The following C7orf78 variants were observed in gnomAD, a reference collection of about 807,000 sequenced individuals.
C7orf78 encodes putative uncharacterized protein C7orf78.
chr7:12,499,797 A>T, the C7orf78 span, among the ~76,000 whole-genome samples: 2 of 150,276 alleles, frequency 1.3e-5, no homozygotes, highest in Non-Finnish European at 3.0e-5. Flanking sequence ...GCACCACACC[A>T]CACCTATTCC....
At chr7:12,535,535 C>A in the C7orf78 span, among the ~76,000 whole-genome samples, 1 of 152,120 alleles carries the variant, frequency 6.6e-6, no homozygotes, top group Non-Finnish European at 1.5e-5. Flanking sequence ...CCATATCATT[C>A]CACCTCTGGC....
At chr7:12,528,549 C>G in the C7orf78 span, among the ~76,000 whole-genome samples, 2 of 152,056 alleles carry the variant, frequency 1.3e-5, no homozygotes, top group East Asian at 3.9e-4. Context: ...GTGTCACTCA[C>G]TTTGGTAGAA....
At chr7:12,539,641 G>A in the C7orf78 span, among the ~76,000 whole-genome samples, 7 of 152,136 alleles carry the variant, frequency 4.6e-5, no homozygotes, top group African/African-American at 1.7e-4. Context: ...TTTAGTCTAG[G>A]TCCTGCTGCT....
the C7orf78 span, among the ~76,000 whole-genome samples, chr7:12,520,339 C>G: frequency 6.6e-6 from 1 of 152,206 alleles, no homozygotes; most frequent in African/African-American, 2.4e-5. Context: ...TCTCTACATT[C>G]AAGATATTTC....
the C7orf78 span, among the ~76,000 whole-genome samples, chr7:12,516,431 C>T: frequency 6.6e-6 from 1 of 152,248 alleles, no homozygotes; most frequent in Non-Finnish European, 1.5e-5. Context: ...CATGGAGAAC[C>T]TCTGCTAGGA....
chr7:12,524,770 G>A, the C7orf78 span, among the ~76,000 whole-genome samples: 1 of 144,928 alleles, frequency 6.9e-6, no homozygotes, highest in Admixed American at 6.8e-5. Context: ...TTGAATTTGG[G>A]AGGTGAAAGT....
At chr7:12,533,048 C>T in the C7orf78 span, among the ~76,000 whole-genome samples, 1 of 152,124 alleles carries the variant, frequency 6.6e-6, no homozygotes, top group Non-Finnish European at 1.5e-5. Flanking sequence ...TTGCAAACAT[C>T]CCGCTGTACA....
chr7:12,484,928 C>T, the C7orf78 span, among the ~76,000 whole-genome samples: 27,734 of 151,992 alleles, frequency 0.18, 2,951 homozygotes, highest in Middle Eastern at 0.26. Flanking sequence ...CTGTCCTCTT[C>T]GATTAGCTCA....
the C7orf78 span, among the ~76,000 whole-genome samples, chr7:12,489,029 C>T: frequency 6.6e-6 from 1 of 150,548 alleles, no homozygotes; most frequent in Non-Finnish European, 1.5e-5. Flanking sequence ...AAAAGGAATA[C>T]CCAAATGCTG....
chr7:12,538,316 G>A, the C7orf78 span: 1 of 152,102 alleles, frequency 6.6e-6, no homozygotes, highest in Non-Finnish European at 1.5e-5. Flanking sequence ...GTAGCTCCAG[G>A]ATCTGGGGAA....
the C7orf78 span, among the ~76,000 whole-genome samples, chr7:12,539,658 A>T: frequency 6.6e-6 from 1 of 152,200 alleles, no homozygotes; most frequent in African/African-American, 2.4e-5. Context: ...TGCTCACCAC[A>T]CAGAAAGCCA....
chr7:12,483,931 G>A, the C7orf78 span: 2 of 150,850 alleles, frequency 1.3e-5, no homozygotes, highest in Non-Finnish European at 2.9e-5. Context: ...ACCAGAAATG[G>A]CAGCAGACAT....
At chr7:12,489,778 T>C in the C7orf78 span, among the ~76,000 whole-genome samples, 73 of 152,246 alleles carry the variant, frequency 4.8e-4, no homozygotes, top group African/African-American at 1.2e-3. Flanking sequence ...AGAAGAGATA[T>C]GGATAGGACC....
the C7orf78 span, among the ~76,000 whole-genome samples, chr7:12,484,760 C>G: frequency 2.0e-5 from 3 of 152,078 alleles, no homozygotes; most frequent in Admixed American, 6.5e-5. Flanking sequence ...ATTAGTACAG[C>G]ATTCTAAATA....
At chr7:12,491,103 G>C in the C7orf78 span, 8 of 152,106 alleles carry the variant, frequency 5.3e-5, no homozygotes, top group African/African-American at 1.9e-4. Context: ...ACATGGCCTT[G>C]TCTTTTTCAG....
chr7:12,510,698 G>C, the C7orf78 span, among the ~76,000 whole-genome samples: 1 of 152,076 alleles, frequency 6.6e-6, no homozygotes. Context: ...CTTCTTTTGA[G>C]ATCTGTTTAT....
the C7orf78 span, among the ~76,000 whole-genome samples, chr7:12,530,009 G>GGAATGGTATACTGTCATGA: frequency 2.1e-5 from 1 of 46,976 alleles, no homozygotes; most frequent in African/African-American, 1.4e-4. Flanking sequence ...TGTTGCCACA[G>GGAATGGTATACTGTCATGA]CAATGGTGGG....
the C7orf78 span, among the ~76,000 whole-genome samples, chr7:12,539,438 T>C: frequency 1.3e-5 from 2 of 152,212 alleles, no homozygotes; most frequent in Non-Finnish European, 2.9e-5. Flanking sequence ...CACTCCAGCC[T>C]GGGTGACAGA....
At chr7:12,508,384 A>T in the C7orf78 span, among the ~76,000 whole-genome samples, 14 of 141,358 alleles carry the variant, frequency 9.9e-5, 1 homozygote, top group South Asian at 3.2e-3. Flanking sequence ...AAGTCACTAG[A>T]TAACATTTCA....
Sources: allele counts gnomAD v4.1 joint callset (sites outside exome capture counted in the v4.1 genomes callset), GRCh38; gene constraint gnomAD v4.1.1; transcripts MANE v1.5; gene names NCBI Gene and HGNC (gene_info 2026-07-23, HGNC 2026-07-21).